Variants in C1QB observed in about 807,000 individuals in gnomAD.
C1QB encodes the protein complement C1q subcomponent subunit B.
A neutral mutation model predicts 4.6 loss-of-function variants in C1QB; 2 were observed. That is an observed-to-expected ratio of 0.43 (90% CI 0.18 to 1.36). C1QB has a LOEUF of 1.36. C1QB is among the 40% of genes most tolerant of loss of function. The pLI, the probability that C1QB is intolerant of heterozygous loss-of-function variation, is 0.28. For missense variants in C1QB, 292 were observed against 338.0 expected, an observed-to-expected ratio of 0.86 and a Z score of 1.07; for synonymous variants, 132 against 137.1, an observed-to-expected ratio of 0.96 and a Z score of 0.26.
chr1:22,654,344 C>A lies in C1QB; in HGVS notation c.-24+1041C>A, dbSNP rs1642496768. ...CTGCCCCTGGCTTCCCCAGGAAGCC[C>A]AAGTCCTGTCAGTACCCTGCTCCCC... is the stretch of plus-strand genomic sequence containing the variant. On this transcript the variant is annotated intron_variant, in intron 1 of 2. Coordinates refer to ENST00000509305, the MANE Select transcript of C1QB (RefSeq NM_001378156.1). Among the ~76,000 whole-genome samples, 3 of 152,078 alleles carry A rather than the reference C, an allele frequency of 2.0e-5. No homozygotes were observed. In the South Asian group the frequency reaches 6.2e-4, roughly 32 times the overall value.
chr1:22,659,365 T>C (rs1290014181), intron 1 of C1QB, 75 bp from the exon 2 acceptor site: 4 of 1,263,352 alleles, frequency 3.2e-6, no homozygotes, highest in Non-Finnish European at 2.3e-6. Flanking sequence ...GATGGATGGA[T>C]GGATGGATGG....
intron 2 of C1QB, 134 bp from the exon 3 acceptor site, chr1:22,660,678 C>A (rs1642606271): frequency 2.3e-6 from 2 of 874,530 alleles, no homozygotes; most frequent in South Asian, 2.8e-5. Context: ...AGAGCCCCTG[C>A]CTGACACTGC....
chr1:22,659,037 A>AGACG (rs1553153915), intron 1 of C1QB, among the ~76,000 whole-genome samples: 1 of 112,126 alleles, frequency 8.9e-6, no homozygotes, highest in Non-Finnish European at 1.8e-5. Context: ...ATAGAGAGAC[A>AGACG]GATGGATGGA....
At chr1:22,658,007 C>G (rs2148303702) in intron 1 of C1QB, among the ~76,000 whole-genome samples, 1 of 152,302 alleles carries the variant, frequency 6.6e-6, no homozygotes, top group African/African-American at 2.4e-5. Flanking sequence ...CTGTATGACT[C>G]TGAGCAAGTG....
chr1:22,659,174 G>A (rs184710830), intron 1 of C1QB, among the ~76,000 whole-genome samples: 5 of 149,726 alleles, frequency 3.3e-5, no homozygotes, highest in Non-Finnish European at 7.4e-5. Flanking sequence ...ATAGAGAGAT[G>A]GATGGATGGA....
intron 1 of C1QB, among the ~76,000 whole-genome samples, chr1:22,658,540 C>T (rs1642559917): frequency 6.6e-6 from 1 of 152,246 alleles, no homozygotes; most frequent in African/African-American, 2.4e-5. Flanking sequence ...TTTATGCTGA[C>T]CCATTTATAT....
chr1:22,660,684 A>G, intron 2 of C1QB, 128 bp from the exon 3 acceptor site: 1 of 932,400 alleles, frequency 1.1e-6, no homozygotes, highest in Non-Finnish European at 1.7e-6. Flanking sequence ...CCTGCCTGAC[A>G]CTGCCTCCTT....
intron 1 of C1QB, among the ~76,000 whole-genome samples, chr1:22,655,367 G>T (rs773094680): frequency 4.3e-4 from 65 of 152,310 alleles, no homozygotes; most frequent in Admixed American, 1.2e-3. Flanking sequence ...TTGGTGCACA[G>T]TGTCTGGCAT....
chr1:22,659,384 ATGGATG>A lies in C1QB; in HGVS notation c.-23-55_-23-50del, dbSNP rs1371759787. On this transcript the variant is annotated intron_variant, in intron 1 of 2. Coordinates refer to ENST00000509305, the MANE Select transcript of C1QB (RefSeq NM_001378156.1). ...GATGGATGGATGGATGGATGGATGG[ATGGATG>A]GATGATAGGATCACCACGGTGGTAA... 2.7e-6 allele frequency: 4 copies of A among 1,480,234 alleles called. No individual in the cohort carries two copies. The African/African-American group carries it at 5.5e-5, about 21-fold the overall frequency. 91.7% of individuals were successfully genotyped at this position (1,480,234 alleles called of 1,614,324 possible). A position where few individuals can be genotyped will look rare whatever the true frequency, so the allele number is the denominator to read the frequency against.
chr1:22,657,209 T>C (rs1484946910), intron 1 of C1QB, among the ~76,000 whole-genome samples: 1 of 152,104 alleles, frequency 6.6e-6, no homozygotes, highest in Non-Finnish European at 1.5e-5. Flanking sequence ...TGCCTTGGTC[T>C]TCCTGGTGAC....
rs769504566 is a variant in C1QB at position 22,659,596 on chromosome 1, C to T, written c.134C>T (p.Pro45Leu). Residue 45 changes from proline (P) to leucine (L), a missense_variant, in exon 2 of 3, where the codon CCT becomes CTT. Pro to Leu is a moderately conservative substitution (Grantham distance 98, BLOSUM62 -3). Coordinates refer to ENST00000509305, the MANE Select transcript of C1QB (RefSeq NM_001378156.1). Reference protein sequence around the residue: ...IPGIPGIPGTPGPDGQPGTPG... With the variant: ...IPGIPGIPGTLGPDGQPGTPG... ...GGCATCCCGGGTATCCCTGGGACACCTGGCCCCGATGGCCAACCTGGGACC... is the reference window on the plus strand; with the variant it reads ...GGCATCCCGGGTATCCCTGGGACACTTGGCCCCGATGGCCAACCTGGGACC... 1 of 1,613,994 alleles carries T rather than the reference C, an allele frequency of 6.2e-7. No homozygotes were observed. Among genetic ancestry groups the T allele is most frequent in the South Asian group, 1.1e-5 (1 of 91,064 alleles).
intron 2 of C1QB, among the ~76,000 whole-genome samples, chr1:22,660,216 G>A (rs189441479): frequency 3.2e-4 from 49 of 152,242 alleles, no homozygotes; most frequent in African/African-American, 1.2e-3. Context: ...CACAGATGAG[G>A]AGGCTGTCCT....
intron 1 of C1QB, chr1:22,654,169 C>T (rs946940508): frequency 2.2e-4 from 34 of 152,628 alleles, no homozygotes; most frequent in African/African-American, 7.9e-4. Flanking sequence ...AGGTCAGAGC[C>T]TGGGGGGAGG....
chr1:22,660,688 C>T (rs1419644115), intron 2 of C1QB, 124 bp from the exon 3 acceptor site: 1 of 972,396 alleles, frequency 1.0e-6, no homozygotes, highest in South Asian at 1.3e-5. Flanking sequence ...CCTGACACTG[C>T]CTCCTTCGTT....
Position 22,661,384 on chromosome 1 carries a change from T to A in C1QB, c.754T>A (p.Ter252ArgextTer35). The A allele has an allele frequency of 6.2e-7, 1 of 1,613,838 alleles. No individual in the cohort carries two copies. The highest frequency in any genetic ancestry group is 8.5e-7 in the Non-Finnish European group (1 of 1,179,998). ...GFLLFPDMEA[*>R] Reference sequence around the variant, plus strand: ...CCTGCTCTTTCCAGATATGGAGGCCTGACCTGTGGGCTGCTTCACATCCAC... The same window carrying A: ...CCTGCTCTTTCCAGATATGGAGGCCAGACCTGTGGGCTGCTTCACATCCAC... The change falls in exon 3 of 3, where the codon TGA (stop) becomes AGA (arginine). Residue 252 changes from the stop codon to arginine (R), a stop_lost. Transcript: ENST00000509305.
chr1:22,656,043 G>T (rs1186140322), intron 1 of C1QB, among the ~76,000 whole-genome samples: 1 of 152,220 alleles, frequency 6.6e-6, no homozygotes, highest in Non-Finnish European at 1.5e-5. Flanking sequence ...TGCTGAGAAA[G>T]TTCAGCTTGA....
intron 1 of C1QB, among the ~76,000 whole-genome samples, chr1:22,658,769 T>C (rs980772943): frequency 6.7e-6 from 1 of 148,530 alleles, no homozygotes; most frequent in African/African-American, 2.5e-5. Flanking sequence ...GACAGAGGGA[T>C]GGAGGGATGC....
intron 1 of C1QB, among the ~76,000 whole-genome samples, chr1:22,657,109 GC>G (rs1421801922): frequency 3.9e-5 from 6 of 152,044 alleles, no homozygotes; most frequent in Middle Eastern, 3.2e-3. Flanking sequence ...GATTGATTAA[GC>G]CATTGACCAT....
Position 22,661,365 on chromosome 1 carries a change from C to G in C1QB, c.735C>G (p.Leu245=), listed in dbSNP as rs765027138. 2 of 1,613,912 alleles carry G rather than the reference C, an allele frequency of 1.2e-6. No homozygotes were observed. The highest frequency in any genetic ancestry group is 1.7e-5 in the Admixed American group (1 of 59,998). Residue 245 remains leucine (L), a synonymous_variant, in exon 3 of 3, where the codon CTC becomes CTG. Transcript: ENST00000509305. ...ACAGCATCTTTTCCGGGTTCCTGCT[C>G]TTTCCAGATATGGAGGCCTGACCTG... ...GANSIFSGFL[L]FPDMEA
Sources: gnomAD v4.1 joint callset for allele counts (sites outside exome capture counted in the v4.1 genomes callset) on GRCh38, gnomAD v4.1.1 for gene constraint, MANE v1.5 for transcripts, NCBI Gene and HGNC (gene_info 2026-07-23, HGNC 2026-07-21) for gene names.